The following CAMTA1 variants were observed in gnomAD, a reference collection of about 807,000 sequenced individuals.
CAMTA1 encodes calmodulin-binding transcription activator 1.
Under a neutral mutation model 170.9 loss-of-function variants are expected in CAMTA1, and 27 were observed. That is an observed-to-expected ratio of 0.16 (90% CI 0.12 to 0.22). The LOEUF is 0.22. Ranked by LOEUF, CAMTA1 falls within the 10% of genes least tolerant of loss-of-function variation. The pLI, the probability that CAMTA1 is intolerant of heterozygous loss-of-function variation, is 1.00. For missense variants in CAMTA1, 1,619 were observed against 2,217.2 expected, an observed-to-expected ratio of 0.73 and a Z score of 5.42; for synonymous variants, 833 against 891.5, an observed-to-expected ratio of 0.93 and a Z score of 1.17.
At chr1:7,360,148 C>T (rs893272918) in intron 5 of CAMTA1, among the ~76,000 whole-genome samples, 1 of 152,162 alleles carries the variant, frequency 6.6e-6, no homozygotes, top group Admixed American at 6.5e-5. Context: ...GATTAGTGTC[C>T]ACCCTAAGGC....
intron 4 of CAMTA1, among the ~76,000 whole-genome samples, chr1:7,186,892 T>G (rs996548503): frequency 6.6e-6 from 1 of 151,312 alleles, no homozygotes; most frequent in African/African-American, 2.4e-5. Context: ...AGTTCAGGAG[T>G]CTTCCCGGCG....
rs573788904 is a variant in CAMTA1 at position 7,538,465 on chromosome 1, A to G, written c.510+70564A>G. Among the ~76,000 whole-genome samples the G allele has an allele frequency of 1.9e-4, 29 of 152,356 alleles. No homozygotes were observed. In the East Asian group the frequency reaches 5.6e-3, roughly 29 times the overall value. ...AGGAGTTTTGAGACCAGCCTGGGTA[A>G]CATAGGAGACTTCGTCTCTACTAAA... On this transcript the variant is annotated intron_variant, in intron 6 of 22. Coordinates refer to ENST00000303635, the MANE Select transcript of CAMTA1 (RefSeq NM_015215.4).
At chr1:7,500,149 T>C (rs1332000924) in intron 6 of CAMTA1, among the ~76,000 whole-genome samples, 4 of 146,952 alleles carry the variant, frequency 2.7e-5, no homozygotes, top group Admixed American at 6.9e-5. Flanking sequence ...TGGGTGTGTG[T>C]GTGCATGTGT....
At chr1:7,272,716 A>AAAAAAAAAAAAAAAAAAAAAT (rs55938793) in intron 5 of CAMTA1, among the ~76,000 whole-genome samples, 1 of 135,438 alleles carries the variant, frequency 7.4e-6, no homozygotes, top group Non-Finnish European at 1.6e-5. Context: ...AAAAAAAAAA[A>AAAAAAAAAAAAAAAAAAAAAT]GAAAAGAAAA....
intron 4 of CAMTA1, among the ~76,000 whole-genome samples, chr1:7,118,701 C>T (rs759446507): frequency 1.1e-4 from 17 of 152,028 alleles, no homozygotes; most frequent in Non-Finnish European, 2.4e-4. Context: ...TGTCCCGGTG[C>T]GCTAGATGAA....
At chr1:7,726,293 A>G (rs1349367969) in intron 11 of CAMTA1, among the ~76,000 whole-genome samples, 1 of 151,862 alleles carries the variant, frequency 6.6e-6, no homozygotes, top group Non-Finnish European at 1.5e-5. Flanking sequence ...TTCGCTGGGG[A>G]GGACATGGCT....
chr1:7,713,135 G>A (rs2096583794), intron 11 of CAMTA1, among the ~76,000 whole-genome samples: 1 of 152,196 alleles, frequency 6.6e-6, no homozygotes, highest in African/African-American at 2.4e-5. Flanking sequence ...TGACCACACA[G>A]AGTGAGTGAG....
At chr1:7,568,146 A>G (rs563921069) in intron 6 of CAMTA1, among the ~76,000 whole-genome samples, 16 of 152,064 alleles carry the variant, frequency 1.1e-4, no homozygotes, top group African/African-American at 3.9e-4. Context: ...CACTATCACC[A>G]TCATCATCCT....
In CAMTA1 at chr1:7,047,318, G is replaced by T. The variant is rs145082373; in HGVS notation, c.235-43986G>T. Among the ~76,000 whole-genome samples the T allele has an allele frequency of 1.0e-3, 155 of 152,324 alleles. 3 individuals carry two copies. In the East Asian group the frequency reaches 0.023, roughly 23 times the overall value. On this transcript the variant is annotated intron_variant, in intron 3 of 22. Coordinates refer to ENST00000303635, the MANE Select transcript of CAMTA1 (RefSeq NM_015215.4). ...ATAGATTTTCTCCCTTCGGTGAGAA[G>T]GAGGGTACTCCACAGACAAGGTTAC...
intron 5 of CAMTA1, among the ~76,000 whole-genome samples, chr1:7,411,618 A>G (rs932098766): frequency 2.0e-5 from 3 of 151,250 alleles, no homozygotes; most frequent in Middle Eastern, 3.2e-3. Context: ...AAGACCGAGG[A>G]CACCCTTGCT....
intron 11 of CAMTA1, among the ~76,000 whole-genome samples, chr1:7,710,612 A>C (rs2096562853): frequency 6.6e-6 from 1 of 151,706 alleles, no homozygotes; most frequent in African/African-American, 2.4e-5. Context: ...AAAAAAAAAA[A>C]AAAAAAAAAA....
rs139249495 is a variant in CAMTA1 at position 7,161,341 on chromosome 1, C to T, written c.302+69970C>T. Among the ~76,000 whole-genome samples the T allele has an allele frequency of 3.2e-3, 484 of 152,274 alleles. 2 individuals carry two copies. The highest frequency in any genetic ancestry group is 0.011 in the African/African-American group (462 of 41,548). ...CCTCTAGTGCTCAGCTTCACAGTCACGCCACCCAGGAAGCCTTCTGTGATC... is the reference window on the plus strand; with the variant it reads ...CCTCTAGTGCTCAGCTTCACAGTCATGCCACCCAGGAAGCCTTCTGTGATC... On this transcript the variant is annotated intron_variant, in intron 4 of 22. Transcript: ENST00000303635.
intron 1 of CAMTA1, among the ~76,000 whole-genome samples, chr1:6,796,590 ATATTT>A: frequency 6.6e-6 from 1 of 152,276 alleles, no homozygotes; most frequent in African/African-American, 2.4e-5. Flanking sequence ...TGCCTTTGAC[ATATTT>A]TAAATAACTT....
chr1:7,138,073 C>A (rs1645644916), intron 4 of CAMTA1, among the ~76,000 whole-genome samples: 1 of 152,310 alleles, frequency 6.6e-6, no homozygotes, highest in African/African-American at 2.4e-5. Flanking sequence ...GCAGCCTTGA[C>A]CTCCTGGGCA....
chr1:7,171,640 T>C (rs1649624987), intron 4 of CAMTA1, among the ~76,000 whole-genome samples: 1 of 152,234 alleles, frequency 6.6e-6, no homozygotes, highest in Non-Finnish European at 1.5e-5. Context: ...AAATTACCCA[T>C]TTTAAAGTAT....
intron 4 of CAMTA1, among the ~76,000 whole-genome samples, chr1:7,168,804 A>G (rs1056114402): frequency 5.3e-5 from 8 of 152,238 alleles, no homozygotes; most frequent in African/African-American, 1.9e-4. Flanking sequence ...TCCTAGTACA[A>G]CTTCTAGTTG....
Position 7,682,417 on chromosome 1 carries a change from G to C in CAMTA1, c.2914+4684G>C, listed in dbSNP as rs1353305708. Among the ~76,000 whole-genome samples, 2 of 152,232 alleles carry C rather than the reference G, an allele frequency of 1.3e-5. No homozygotes were observed. The highest frequency in any genetic ancestry group is 4.8e-5 in the African/African-American group (2 of 41,464). On this transcript the variant is annotated intron_variant, in intron 11 of 22. Coordinates refer to ENST00000303635, the MANE Select transcript of CAMTA1 (RefSeq NM_015215.4). This position sits in a 1 kb window ranked among gnomAD's most constrained non-coding sequence, Gnocchi z 5.0. ...TCTAAGCAAGTGGAGAGAAGGAAAG[G>C]CCTCTTGGTTTGGCCTTCTGATCCG...
chr1:7,464,935 C>T (rs374961811), intron 5 of CAMTA1, among the ~76,000 whole-genome samples: 20 of 152,276 alleles, frequency 1.3e-4, no homozygotes, highest in African/African-American at 4.6e-4. Flanking sequence ...TCACAGCCAC[C>T]CCGGCTCATC....
At chr1:6,904,594 G>A (rs1288889795) in intron 3 of CAMTA1, among the ~76,000 whole-genome samples, 1 of 134,358 alleles carries the variant, frequency 7.4e-6, no homozygotes, top group Non-Finnish European at 1.6e-5. Context: ...TTCCTCTATC[G>A]CCCCAGGCTG....
Sources: gnomAD v4.1 joint callset for allele counts (sites outside exome capture counted in the v4.1 genomes callset) on GRCh38, gnomAD v4.1.1 for gene constraint, Gnocchi (gnomAD v3.1) non-coding constraint, MANE v1.5 for transcripts, NCBI Gene and HGNC (gene_info 2026-07-23, HGNC 2026-07-21) for gene names.